Variants in KCNQ3 observed in about 807,000 individuals in gnomAD.
KCNQ3 encodes the protein potassium voltage-gated channel subfamily KQT member 3.
Under a neutral mutation model 92.5 loss-of-function variants are expected in KCNQ3, and 30 were observed. The observed-to-expected ratio is 0.32, with a 90% CI of 0.24 to 0.44. The LOEUF (loss-of-function observed/expected upper bound fraction) is 0.44, where lower values mean the gene tolerates loss of function less well. KCNQ3 is among the 20% of genes least tolerant of loss of function. KCNQ3 has a pLI of 1.00. For synonymous variants in KCNQ3, 450 were observed against 468.8 expected (o/e 0.96, Z 0.52); for missense variants, 913 against 1,140.3 (o/e 0.80, Z 2.87).
chr8:132,449,599 T>G (rs553245426), intron 1 of KCNQ3, among the ~76,000 whole-genome samples: 2 of 152,188 alleles, frequency 1.3e-5, no homozygotes, highest in South Asian at 4.2e-4. Context: ...AGCCCTCAGA[T>G]TCACCCCCCA....
At chr8:132,423,811 C>T (rs774747783) in intron 1 of KCNQ3, among the ~76,000 whole-genome samples, 25 of 152,130 alleles carry the variant, frequency 1.6e-4, no homozygotes, top group African/African-American at 5.3e-4. Context: ...GAGCCTCACC[C>T]GGATGGCCCC....
At chr8:132,390,581 T>C (rs965526104) in intron 1 of KCNQ3, among the ~76,000 whole-genome samples, 6 of 152,274 alleles carry the variant, frequency 3.9e-5, no homozygotes, top group African/African-American at 1.2e-4. Flanking sequence ...CCAAGGAGAT[T>C]CTCATGCACC....
At chr8:132,437,010 T>A (rs918862396) in intron 1 of KCNQ3, among the ~76,000 whole-genome samples, 1 of 151,384 alleles carries the variant, frequency 6.6e-6, no homozygotes, top group African/African-American at 2.4e-5. Flanking sequence ...CCGGGCGCGG[T>A]GGCTCACGCC....
rs1242066658 is a variant in KCNQ3 at position 132,226,075 on chromosome 8, T to A, written c.387-39894A>T. 3.3e-5 allele frequency among the ~76,000 whole-genome samples: 5 copies of A among 151,968 alleles called. No individual in the cohort carries two copies. The East Asian group carries it at 9.7e-4, about 29-fold the overall frequency. Reference sequence around the variant, plus strand: ...TCACAAGGTCAGGAGATAGAGACCATCCTGGCTAACGTGGCGAAACCCCGT... The same window carrying A: ...TCACAAGGTCAGGAGATAGAGACCAACCTGGCTAACGTGGCGAAACCCCGT... On this transcript the variant is annotated intron_variant, in intron 1 of 14. Coordinates refer to ENST00000388996, the MANE Select transcript of KCNQ3 (RefSeq NM_004519.4).
chr8:132,433,625 C>T (rs1821308745), intron 1 of KCNQ3, among the ~76,000 whole-genome samples: 1 of 152,196 alleles, frequency 6.6e-6, no homozygotes, highest in Non-Finnish European at 1.5e-5. Flanking sequence ...CACGGTGGCT[C>T]ACACCTGTAA....
chr8:132,137,068 A>C, intron 12 of KCNQ3, among the ~76,000 whole-genome samples: 1 of 149,018 alleles, frequency 6.7e-6, no homozygotes, highest in South Asian at 2.1e-4. Context: ...AGGGGGTTTC[A>C]CCATGTTGGT....
intron 5 of KCNQ3, 77 bp downstream of exon 5, chr8:132,175,376 C>T: frequency 6.6e-7 from 1 of 1,510,610 alleles, no homozygotes; most frequent in Non-Finnish European, 9.2e-7. Context: ...GCTGAACATG[C>T]TCATGTGATG....
rs889866465 is a variant in KCNQ3, at chr8:132,126,611, C to G, written c.*2651G>C. On this transcript the variant is annotated 3_prime_UTR_variant, in exon 15 of 15. Coordinates refer to ENST00000388996, the MANE Select transcript of KCNQ3 (RefSeq NM_004519.4). ...AACATGTATTTTGTCTATGTCTATACTGATAAAGACAACTTACTAGATGTT... is the reference window on the plus strand; with the variant it reads ...AACATGTATTTTGTCTATGTCTATAGTGATAAAGACAACTTACTAGATGTT... 1.3e-5 allele frequency: 2 copies of G among 151,840 alleles called. No individual in the cohort carries two copies. Among genetic ancestry groups the G allele is most frequent in the African/African-American group, 4.8e-5 (2 of 41,282 alleles). The allele number at this position is 151,840 out of a possible 1,614,324, so 9.4% of individuals were successfully genotyped here.
At chr8:132,421,303 G>T (rs969755640) in intron 1 of KCNQ3, among the ~76,000 whole-genome samples, 1 of 152,194 alleles carries the variant, frequency 6.6e-6, no homozygotes, top group South Asian at 2.1e-4. Context: ...CCAAGAAAAC[G>T]TCTAGGAAAA....
intron 1 of KCNQ3, among the ~76,000 whole-genome samples, chr8:132,453,550 CCTT>C (rs1412591897): frequency 6.6e-6 from 1 of 152,152 alleles, no homozygotes; most frequent in Non-Finnish European, 1.5e-5. Context: ...CCTAGAGGCT[CCTT>C]CTAGGCGGGT....
intron 9 of KCNQ3, among the ~76,000 whole-genome samples, chr8:132,143,127 C>T (rs1825350650): frequency 1.3e-5 from 2 of 152,180 alleles, no homozygotes; most frequent in South Asian, 4.1e-4. Context: ...CTCTCTCACC[C>T]AGCACTGTTC....
chr8:132,363,195 T>G (rs1273039237), intron 1 of KCNQ3, among the ~76,000 whole-genome samples: 1 of 152,146 alleles, frequency 6.6e-6, no homozygotes, highest in Non-Finnish European at 1.5e-5. Flanking sequence ...TTCAAATTTC[T>G]GAAGATGTAA....
chr8:132,235,084 A>C (rs1347200041), intron 1 of KCNQ3, among the ~76,000 whole-genome samples: 1 of 152,232 alleles, frequency 6.6e-6, no homozygotes, highest in East Asian at 1.9e-4. Flanking sequence ...AAATCATAAA[A>C]GTTTTTAAAA....
intron 1 of KCNQ3, among the ~76,000 whole-genome samples, chr8:132,389,025 C>A (rs201734088): frequency 6.6e-6 from 1 of 152,090 alleles, no homozygotes; most frequent in East Asian, 1.9e-4. Context: ...TACCTCACAC[C>A]ATATACAAAA....
chr8:132,380,729 A>T (rs969371531), intron 1 of KCNQ3, among the ~76,000 whole-genome samples: 1 of 149,494 alleles, frequency 6.7e-6, no homozygotes, highest in Non-Finnish European at 1.5e-5. Flanking sequence ...AAATGCCCAG[A>T]GAAAAACCAT....
intron 1 of KCNQ3, among the ~76,000 whole-genome samples, chr8:132,267,287 T>A (rs1232692896): frequency 2.0e-5 from 3 of 152,180 alleles, no homozygotes; most frequent in African/African-American, 7.2e-5. Context: ...AATTCAGGCA[T>A]AATCCTTCCT....
At chr8:132,361,433 T>C (rs992108870) in intron 1 of KCNQ3, among the ~76,000 whole-genome samples, 1 of 152,224 alleles carries the variant, frequency 6.6e-6, no homozygotes, top group Admixed American at 6.5e-5. Context: ...TTAAAATTAA[T>C]AGAATATTTT....
At chr8:132,172,567 C>A in intron 7 of KCNQ3, 31 bp downstream of exon 7, 2 of 1,577,930 alleles carry the variant, frequency 1.3e-6, no homozygotes, top group Non-Finnish European at 8.7e-7. Context: ...GGATCTTAAT[C>A]CCATTCCAGT....
chr8:132,330,602 C>T (rs1818201036), intron 1 of KCNQ3, among the ~76,000 whole-genome samples: 1 of 152,138 alleles, frequency 6.6e-6, no homozygotes, highest in South Asian at 2.1e-4. Flanking sequence ...AAAACTCACC[C>T]GTGTCCTCCA....
Sources: gnomAD v4.1 joint callset for allele counts (sites outside exome capture counted in the v4.1 genomes callset) on GRCh38, gnomAD v4.1.1 for gene constraint, MANE v1.5 for transcripts, NCBI Gene and HGNC (gene_info 2026-07-23, HGNC 2026-07-21) for gene names.